Variants in ERBIN observed in about 807,000 individuals in gnomAD.
ERBIN encodes densin-180-like protein.
In ERBIN, 60 loss-of-function variants were observed where a neutral mutation model predicts 158.4. That is an observed-to-expected ratio of 0.38 (90% CI 0.31 to 0.47). The LOEUF (loss-of-function observed/expected upper bound fraction) is 0.47. ERBIN is among the 20% of genes least tolerant of loss of function. The pLI is 0.99. For synonymous variants in ERBIN, 594 were observed against 557.2 expected (o/e 1.07, Z -0.93); for missense variants, 1,610 against 1,648.0 (o/e 0.98, Z 0.40).
At chr5:66,007,065 T>G (rs1753681902) in intron 4 of ERBIN, among the ~76,000 whole-genome samples, 1 of 151,544 alleles carries the variant, frequency 6.6e-6, no homozygotes, top group Non-Finnish European at 1.5e-5. Flanking sequence ...TGATAAATCA[T>G]GCTGCTATTA....
Position 66,072,208 on chromosome 5 carries a change from G to C in ERBIN, c.3673G>C (p.Asp1225His). 1 of 1,550,286 alleles carries C rather than the reference G, an allele frequency of 6.5e-7. No individual in the cohort carries two copies. The highest frequency in any genetic ancestry group is 8.7e-7 in the Non-Finnish European group (1 of 1,146,834). The change falls in exon 22 of 26, where the codon GAT (aspartate) becomes CAT (histidine). Residue 1225 changes from aspartate to histidine, a missense_variant. Transcript: ENST00000284037. ...ATCCAGTTCAGGAGATCCTTGTCAA[G>C]ATGGTATATTCATTTCAGGACAGCA... The part of the protein sequence containing the change: ...QTSSSGDPCQ[D>H]GIFISGQQNY...
At chr5:65,984,535 A>T (rs1477122943) in intron 1 of ERBIN, among the ~76,000 whole-genome samples, 2 of 152,260 alleles carry the variant, frequency 1.3e-5, no homozygotes, top group East Asian at 3.9e-4. Context: ...ATGATTGGGA[A>T]CTCACCATCA....
intron 21 of ERBIN, among the ~76,000 whole-genome samples, chr5:66,067,245 G>A (rs1305494116): frequency 1.3e-5 from 2 of 152,174 alleles, no homozygotes; most frequent in African/African-American, 4.8e-5. Context: ...AGAATAACTG[G>A]AAGTGTACAT....
chr5:65,993,011 G>A, intron 3 of ERBIN, 104 bp downstream of exon 3: 2 of 930,964 alleles, frequency 2.1e-6, no homozygotes, highest in Non-Finnish European at 3.0e-6. Flanking sequence ...TTGTGTGGTT[G>A]AATTTTTTGG....
intron 1 of ERBIN, among the ~76,000 whole-genome samples, chr5:65,962,870 G>GA (rs1748073911): frequency 6.6e-6 from 1 of 152,100 alleles, no homozygotes; most frequent in South Asian, 2.1e-4. Context: ...TTAAAACTTT[G>GA]AAAATTAGGA....
At chr5:65,964,846 G>A (rs1449363832) in intron 1 of ERBIN, among the ~76,000 whole-genome samples, 2 of 148,178 alleles carry the variant, frequency 1.3e-5, no homozygotes, top group African/African-American at 2.5e-5. Context: ...AGGTTCAAGC[G>A]ATTCTGCCTC....
chr5:66,018,513 T>A (rs868613806), intron 7 of ERBIN, among the ~76,000 whole-genome samples: 180 of 8,704 alleles, frequency 0.021, 46 homozygotes, highest in South Asian at 0.037. Context: ...ATATTATATA[T>A]TATATAATAT....
At chr5:66,019,123 T>C (rs1755410826) in intron 7 of ERBIN, among the ~76,000 whole-genome samples, 1 of 152,202 alleles carries the variant, frequency 6.6e-6, no homozygotes, top group Admixed American at 6.5e-5. Context: ...AGGTATAAGA[T>C]ACATGTTGTC....
rs752833381 is a variant in ERBIN, at chr5:66,054,554, G to T, written c.3236G>T (p.Ser1079Ile). The T allele has an allele frequency of 1.2e-6, 2 of 1,614,148 alleles. No homozygotes were observed. Among genetic ancestry groups the T allele is most frequent in the Non-Finnish European group, 1.7e-6 (2 of 1,180,020 alleles). The change falls in exon 21 of 26, where the codon AGT (serine) becomes ATT (isoleucine). Residue 1079 changes from serine to isoleucine, a missense_variant. Coordinates refer to ENST00000284037, the MANE Select transcript of ERBIN (RefSeq NM_001253697.2). ...CGAAGTACAATCCAGCGACAAAGTA[G>T]TGTGTCCTCCACAGCCTCTGTAAAT... ...VTRSTIQRQS[S>I]VSSTASVNLG...
At chr5:66,065,782 G>A (rs1760931053) in intron 21 of ERBIN, among the ~76,000 whole-genome samples, 3 of 152,070 alleles carry the variant, frequency 2.0e-5, no homozygotes, top group South Asian at 4.1e-4. Context: ...GAAGGAGGGG[G>A]AACAACTTTA....
intron 14 of ERBIN, among the ~76,000 whole-genome samples, chr5:66,033,127 A>G (rs1017506341): frequency 2.0e-5 from 3 of 152,150 alleles, no homozygotes; most frequent in African/African-American, 4.8e-5. Flanking sequence ...AAGCTTCTCA[A>G]AATTGCTCCT....
chr5:65,942,901 C>G (rs1745235848), intron 1 of ERBIN, among the ~76,000 whole-genome samples: 2 of 111,860 alleles, frequency 1.8e-5, no homozygotes. Context: ...GAGCGAGACT[C>G]CGTCTCCAAA....
intron 1 of ERBIN, among the ~76,000 whole-genome samples, chr5:65,971,635 C>T (rs772831253): frequency 6.6e-6 from 1 of 152,158 alleles, no homozygotes; most frequent in Non-Finnish European, 1.5e-5. Context: ...GAGTCCAAAA[C>T]CATCACTCTT....
intron 22 of ERBIN, among the ~76,000 whole-genome samples, chr5:66,072,908 T>G (rs1761656915): frequency 1.3e-5 from 2 of 152,316 alleles, no homozygotes; most frequent in Admixed American, 1.3e-4. Context: ...TACATAAAAC[T>G]TCTATGTTGC....
chr5:66,030,562 C>CTTTTTTT (rs766454675), intron 14 of ERBIN, among the ~76,000 whole-genome samples: 1 of 128,352 alleles, frequency 7.8e-6, no homozygotes, highest in Non-Finnish European at 1.7e-5. Flanking sequence ...ACAGTAGCAC[C>CTTTTTTT]TTTTTTTTTT....
At chr5:66,050,992 T>G (rs1758964683) in intron 20 of ERBIN, 26 bp downstream of exon 20, 4 of 1,467,016 alleles carry the variant, frequency 2.7e-6, no homozygotes, top group Non-Finnish European at 3.7e-6. Context: ...TTACAGTTTT[T>G]TATTTATACA....
intron 4 of ERBIN, among the ~76,000 whole-genome samples, chr5:66,001,864 G>T (rs946572162): frequency 1.3e-5 from 2 of 151,938 alleles, no homozygotes; most frequent in African/African-American, 4.8e-5. Flanking sequence ...TATTACATAG[G>T]TATACACGTG....
intron 1 of ERBIN, among the ~76,000 whole-genome samples, chr5:65,976,505 TTTC>T (rs1207489424): frequency 4.0e-5 from 6 of 151,098 alleles, no homozygotes; most frequent in Non-Finnish European, 4.4e-5. Flanking sequence ...GAGAAAGCTA[TTTC>T]TTTTCTTTTT....
chr5:66,014,219 A>C (rs1378347307), intron 6 of ERBIN, among the ~76,000 whole-genome samples: 1 of 152,206 alleles, frequency 6.6e-6, no homozygotes, highest in Non-Finnish European at 1.5e-5. Context: ...TGGCATTTGC[A>C]TCACTTAATC....
Sources: gnomAD v4.1 joint callset for allele counts (sites outside exome capture counted in the v4.1 genomes callset) on GRCh38, gnomAD v4.1.1 for gene constraint, MANE v1.5 for transcripts, NCBI Gene and HGNC (gene_info 2026-07-23, HGNC 2026-07-21) for gene names.